The following IGSF10 variants were observed in gnomAD, a reference collection of about 807,000 sequenced individuals.
The protein encoded by IGSF10 is immunoglobulin superfamily member 10.
In IGSF10, 126 loss-of-function variants were observed where a neutral mutation model predicts 128.2. That is an observed-to-expected ratio of 0.98 (90% confidence interval 0.85 to 1.14). IGSF10 has a LOEUF of 1.14. IGSF10 is among the 50% of genes most tolerant of loss of function. The pLI is 0.00. For missense variants in IGSF10, 3,295 were observed against 3,149.8 expected, an observed-to-expected ratio of 1.05 and a Z score of -1.10; for synonymous variants, 1,185 against 1,146.2, an observed-to-expected ratio of 1.03 and a Z score of -0.68.
chr3:151,475,496 G>A, the IGSF10 span, among the ~76,000 whole-genome samples: 139 of 152,340 alleles, frequency 9.1e-4, no homozygotes, highest in African/African-American at 3.2e-3. Context: ...TAACTTAGGA[G>A]TATATGCCTG....
At chr3:151,576,330 G>A in the IGSF10 span, among the ~76,000 whole-genome samples, 1 of 151,986 alleles carries the variant, frequency 6.6e-6, no homozygotes, top group Non-Finnish European at 1.5e-5. Flanking sequence ...AGTCAAAATT[G>A]TGATTCCTGC....
chr3:151,484,772 C>A, the IGSF10 span, among the ~76,000 whole-genome samples: 5 of 148,988 alleles, frequency 3.4e-5, no homozygotes, highest in East Asian at 9.8e-4. Flanking sequence ...ACAAAAAGGA[C>A]GTCTACTCGG....
upstream of IGSF10, among the ~76,000 whole-genome samples, chr3:151,463,538 T>TTTTTG (rs1722154065): frequency 1.9e-5 from 2 of 106,658 alleles, no homozygotes; most frequent in Non-Finnish European, 3.7e-5. Flanking sequence ...TTTTTTTTTT[T>TTTTTG]TTTTTTTTTT....
At chr3:151,607,356 G>A in the IGSF10 span, among the ~76,000 whole-genome samples, 4 of 151,960 alleles carry the variant, frequency 2.6e-5, no homozygotes, top group African/African-American at 4.8e-5. Flanking sequence ...ATTTTAGCAC[G>A]AGGTACATAT....
Position 151,445,397 on chromosome 3 carries a change from A to C in IGSF10, c.4584T>G (p.Val1528=), listed in dbSNP as rs763858519. 6.2e-7 allele frequency: 1 copy of C among 1,614,200 alleles called. No individual in the cohort carries two copies. The highest frequency in any genetic ancestry group is 8.5e-7 in the Non-Finnish European group (1 of 1,180,034). The part of the protein sequence containing the change: ...LVAEVATSPK[V]HPNAKFTIGT... ...CAATTGTGAACTTGGCATTTGGGTG[A>C]ACCTTGGGGGATGTTGCAACCTCTG... The change falls in exon 6 of 8, where the codon GTT becomes GTG. Residue 1528 remains valine (V), a synonymous_variant. Coordinates refer to ENST00000282466, the MANE Select transcript of IGSF10 (RefSeq NM_178822.5).
At chr3:151,566,244 A>C in the IGSF10 span, among the ~76,000 whole-genome samples, 1 of 152,060 alleles carries the variant, frequency 6.6e-6, no homozygotes, top group Non-Finnish European at 1.5e-5. Context: ...AGGGAAGTGA[A>C]ACCCTACCCC....
At chr3:151,562,964 A>G in the IGSF10 span, among the ~76,000 whole-genome samples, 1 of 152,126 alleles carries the variant, frequency 6.6e-6, no homozygotes, top group Non-Finnish European at 1.5e-5. Flanking sequence ...AGCAAACTCC[A>G]TTTAACCCAA....
the IGSF10 span, among the ~76,000 whole-genome samples, chr3:151,606,319 T>C: frequency 6.6e-6 from 1 of 152,238 alleles, no homozygotes; most frequent in East Asian, 1.9e-4. Context: ...AATCTCATGA[T>C]ATAATATAGG....
the IGSF10 span, among the ~76,000 whole-genome samples, chr3:151,534,230 G>A: frequency 6.6e-6 from 1 of 152,204 alleles, no homozygotes; most frequent in African/African-American, 2.4e-5. Context: ...TTCAACCATT[G>A]TGGAAGACAG....
the IGSF10 span, among the ~76,000 whole-genome samples, chr3:151,539,770 A>ATCTG: frequency 4.8e-3 from 302 of 63,518 alleles, no homozygotes; most frequent in African/African-American, 0.02. Flanking sequence ...AACAGCATCT[A>ATCTG]TCTATCTATC....
the IGSF10 span, among the ~76,000 whole-genome samples, chr3:151,613,051 C>A: frequency 8.3e-4 from 126 of 152,236 alleles, no homozygotes; most frequent in Non-Finnish European, 1.2e-3. Flanking sequence ...CAATAACAGA[C>A]AAACAGAGAG....
At chr3:151,555,555 A>C in the IGSF10 span, among the ~76,000 whole-genome samples, 1 of 152,168 alleles carries the variant, frequency 6.6e-6, no homozygotes, top group Non-Finnish European at 1.5e-5. Context: ...CTGAGCCTAC[A>C]AAAGTCTGCT....
chr3:151,454,110 T>C (rs9832536), intron 4 of IGSF10, among the ~76,000 whole-genome samples: 105,914 of 150,518 alleles, frequency 0.7, 37,369 homozygotes, highest in Middle Eastern at 0.84. Flanking sequence ...CTCCGCCTCC[T>C]GGTTTGAAGC....
the IGSF10 span, among the ~76,000 whole-genome samples, chr3:151,514,396 C>T: frequency 3.9e-5 from 6 of 152,088 alleles, no homozygotes; most frequent in Non-Finnish European, 7.4e-5. Flanking sequence ...ATAAATGGTG[C>T]TGGGAAAACT....
At chr3:151,591,979 T>C in the IGSF10 span, among the ~76,000 whole-genome samples, 2 of 152,194 alleles carry the variant, frequency 1.3e-5, no homozygotes, top group African/African-American at 4.8e-5. Flanking sequence ...AAATGCAGTT[T>C]GTACCATCAA....
At position 151,446,072 on chromosome 3, in the gene IGSF10, G is replaced by C; in HGVS notation, c.3909C>G (p.Ser1303Arg). Residue 1303 changes from serine to arginine, a missense_variant, in exon 6 of 8, where the codon AGC (serine) becomes AGG (arginine). Ser to Arg is a moderately radical substitution (Grantham distance 110). Coordinates refer to ENST00000282466, the MANE Select transcript of IGSF10 (RefSeq NM_178822.5). The part of the protein sequence containing the change: ...PLNPMLPSII[S>R]KDSSTKSIIS... The stretch of plus-strand genomic sequence containing the variant: ...TGATGCTTTTTGTACTTGAGTCTTT[G>C]CTTATAATACTAGGAAGCATAGGGT... 1.2e-6 allele frequency: 2 copies of C among 1,614,086 alleles called. No homozygotes were observed.
chr3:151,488,368 A>C, the IGSF10 span, among the ~76,000 whole-genome samples: 3 of 152,354 alleles, frequency 2.0e-5, no homozygotes, highest in East Asian at 5.8e-4. Context: ...GACAGGAAGA[A>C]TCAATATCGT....
At chr3:151,550,078 AC>A in the IGSF10 span, among the ~76,000 whole-genome samples, 1 of 152,096 alleles carries the variant, frequency 6.6e-6, no homozygotes, top group Non-Finnish European at 1.5e-5. Flanking sequence ...AAAATTGAGA[AC>A]TTTTAGCAAC....
intron 3 of IGSF10, 143 bp downstream of exon 3, chr3:151,458,373 C>A: frequency 1.7e-6 from 1 of 603,142 alleles, no homozygotes. Context: ...CCCCAACAAA[C>A]AAAATTCTCA....
Sources: allele counts gnomAD v4.1 joint callset (sites outside exome capture counted in the v4.1 genomes callset), GRCh38; gene constraint gnomAD v4.1.1; transcripts MANE v1.5; gene names NCBI Gene and HGNC (gene_info 2026-07-23, HGNC 2026-07-21).